Variants in GABBR2 observed in about 807,000 individuals in gnomAD.
GABBR2 encodes gamma-aminobutyric acid type B receptor subunit 2.
GABBR2 carries 23 observed loss-of-function variants against 105.6 expected under a neutral mutation model. The observed-to-expected ratio is 0.22, with a 90% CI of 0.16 to 0.31. GABBR2 has a LOEUF of 0.31. Among genes scored for constraint, GABBR2 ranks in the 10% least tolerant of loss-of-function variants. GABBR2 has a pLI of 1.00. For synonymous variants in GABBR2, 478 were observed against 499.7 expected, an observed-to-expected ratio of 0.96 and a Z score of 0.58; for missense variants, 734 against 1,245.5, an observed-to-expected ratio of 0.59 and a Z score of 6.18.
chr9:98,686,920 C>T (rs1365436889), intron 1 of GABBR2, among the ~76,000 whole-genome samples: 1 of 151,976 alleles, frequency 6.6e-6, no homozygotes, highest in Non-Finnish European at 1.5e-5. Context: ...CCTGTACTTC[C>T]AGCAGAGCCC....
At chr9:98,297,314 A>G (rs762868504) in intron 17 of GABBR2, among the ~76,000 whole-genome samples, 5 of 152,240 alleles carry the variant, frequency 3.3e-5, no homozygotes, top group Non-Finnish European at 7.3e-5. Context: ...TACTACTTAT[A>G]TAATCAGAAT....
intron 3 of GABBR2, among the ~76,000 whole-genome samples, chr9:98,498,697 A>G (rs1827335879): frequency 6.6e-6 from 1 of 152,252 alleles, no homozygotes; most frequent in South Asian, 2.1e-4. Flanking sequence ...ATGCTGTCAC[A>G]GTCAGCGTGA....
At chr9:98,359,780 T>G (rs1831550960) in intron 13 of GABBR2, among the ~76,000 whole-genome samples, 1 of 152,182 alleles carries the variant, frequency 6.6e-6, no homozygotes, top group Non-Finnish European at 1.5e-5. Context: ...GTGGCGTGCT[T>G]GCTGGGTGGG....
chr9:98,585,017 A>C (rs1222829516), intron 1 of GABBR2, among the ~76,000 whole-genome samples: 1 of 152,162 alleles, frequency 6.6e-6, no homozygotes, highest in Non-Finnish European at 1.5e-5. Flanking sequence ...CTTCAGGCTA[A>C]ACTACCCTTA....
intron 6 of GABBR2, among the ~76,000 whole-genome samples, chr9:98,457,946 C>T (rs185940302): frequency 3.3e-5 from 5 of 152,328 alleles, no homozygotes; most frequent in South Asian, 4.1e-4. Context: ...TCAAGTTTAT[C>T]GTGAGATGCT....
chr9:98,610,979 A>G (rs563320382), intron 1 of GABBR2, among the ~76,000 whole-genome samples: 69 of 152,178 alleles, frequency 4.5e-4, no homozygotes, highest in Non-Finnish European at 7.6e-4. Context: ...TGAAAGAATG[A>G]GGCTCTGTCT....
chr9:98,561,639 C>T (rs2779519), intron 2 of GABBR2, among the ~76,000 whole-genome samples: 143,479 of 152,282 alleles, frequency 0.94, 67,686 homozygotes, highest in Non-Finnish European at 0.97. Flanking sequence ...CCCAGCACTT[C>T]GGGAAGGCCG....
intron 4 of GABBR2, among the ~76,000 whole-genome samples, chr9:98,494,899 T>C (rs978754634): frequency 2.6e-5 from 4 of 152,268 alleles, no homozygotes; most frequent in African/African-American, 7.2e-5. Flanking sequence ...CCATAGATGC[T>C]GGGCCTCTGG....
chr9:98,300,145 T>C (rs1830445593), intron 16 of GABBR2, among the ~76,000 whole-genome samples: 1 of 151,532 alleles, frequency 6.6e-6, no homozygotes, highest in Non-Finnish European at 1.5e-5. Context: ...TTTACAGGCA[T>C]GAACTACTGT....
At chr9:98,381,323 C>T (rs1001294094) in intron 11 of GABBR2, among the ~76,000 whole-genome samples, 3 of 152,162 alleles carry the variant, frequency 2.0e-5, no homozygotes, top group East Asian at 3.9e-4. Flanking sequence ...TTGGAAGATC[C>T]GTGATCACTA....
intron 3 of GABBR2, among the ~76,000 whole-genome samples, chr9:98,515,363 C>T (rs1354255475): frequency 6.6e-6 from 1 of 152,152 alleles, no homozygotes; most frequent in Non-Finnish European, 1.5e-5. Flanking sequence ...ATCAAATTGT[C>T]CACCTTTGCA....
At chr9:98,370,320 G>A (rs968423399) in intron 12 of GABBR2, among the ~76,000 whole-genome samples, 1 of 152,126 alleles carries the variant, frequency 6.6e-6, no homozygotes, top group Non-Finnish European at 1.5e-5. Flanking sequence ...TGCATCAAGA[G>A]GACGGCAGGA....
At chr9:98,383,056 C>A (rs1832007259) in intron 11 of GABBR2, among the ~76,000 whole-genome samples, 1 of 152,208 alleles carries the variant, frequency 6.6e-6, no homozygotes, top group African/African-American at 2.4e-5. Context: ...TTCTCCTGCC[C>A]TCAGCCTCCT....
rs771478443 is a variant in GABBR2 at position 98,371,429 on chromosome 9, C to T, written c.1770+35G>A. The T allele has an allele frequency of 8.2e-6, 9 of 1,091,956 alleles. No homozygotes were observed. The South Asian group carries it at 1.1e-4, about 14-fold the overall frequency. The allele number at this position is 1,091,956 out of a possible 1,614,324, so 67.6% of individuals were successfully genotyped here. ...TTGCTAGATAAATGCTGGGTGAACACTACTAATACCCTGAAACAGAAGGAG... is the reference window on the plus strand; with the variant it reads ...TTGCTAGATAAATGCTGGGTGAACATTACTAATACCCTGAAACAGAAGGAG... On this transcript the variant is annotated intron_variant, in intron 12 of 18. Coordinates refer to ENST00000259455, the MANE Select transcript of GABBR2 (RefSeq NM_005458.8).
intron 7 of GABBR2, among the ~76,000 whole-genome samples, chr9:98,436,347 C>CAATATATATA (rs1653396477): frequency 3.2e-5 from 1 of 31,618 alleles, no homozygotes; most frequent in Non-Finnish European, 4.9e-5. Context: ...CACACACACA[C>CAATATATATA]CATATATATA....
At chr9:98,614,477 G>A (rs1422368814) in intron 1 of GABBR2, among the ~76,000 whole-genome samples, 1 of 152,076 alleles carries the variant, frequency 6.6e-6, no homozygotes, top group Admixed American at 6.5e-5. Context: ...GTGAGCCGAG[G>A]TTGCGCCAAT....
At chr9:98,604,667 A>G (rs893195827) in intron 1 of GABBR2, among the ~76,000 whole-genome samples, 1 of 152,200 alleles carries the variant, frequency 6.6e-6, no homozygotes, top group African/African-American at 2.4e-5. Flanking sequence ...AACAATGGTA[A>G]TCATAAGAAT....
chr9:98,611,604 TG>T (rs1564130487), intron 1 of GABBR2, among the ~76,000 whole-genome samples: 1 of 152,166 alleles, frequency 6.6e-6, no homozygotes, highest in Non-Finnish European at 1.5e-5. Flanking sequence ...AAAAATGAGC[TG>T]GCAAGGAAGA....
At chr9:98,621,339 C>T (rs576298028) in intron 1 of GABBR2, among the ~76,000 whole-genome samples, 2 of 152,174 alleles carry the variant, frequency 1.3e-5, no homozygotes, top group Non-Finnish European at 2.9e-5. Flanking sequence ...TGTTCTGTAT[C>T]CATGGCATCC....
Sources: allele counts gnomAD v4.1 joint callset (sites outside exome capture counted in the v4.1 genomes callset), GRCh38; gene constraint gnomAD v4.1.1; transcripts MANE v1.5; gene names NCBI Gene and HGNC (gene_info 2026-07-23, HGNC 2026-07-21).